CDHR5: variants seen among roughly 807,000 people sequenced by gnomAD.
CDHR5 encodes cadherin related family member 5.
Under a neutral mutation model 69.5 loss-of-function variants are expected in CDHR5, and 82 were observed. The ratio of observed to expected loss-of-function variants is 1.18; its 90% CI spans 0.99 to 1.42. The LOEUF is 1.42. Among genes scored for constraint, CDHR5 ranks in the 40% most tolerant of loss-of-function variants. The probability of loss-of-function intolerance (pLI) is 0.00; values close to 1 mark genes in which losing one functional copy is unlikely to be tolerated. For missense variants in CDHR5, 1,293 were observed against 1,168.9 expected, an observed-to-expected ratio of 1.11 and a Z score of -1.55; for synonymous variants, 601 against 510.2, an observed-to-expected ratio of 1.18 and a Z score of -2.40.
Position 616,951 on chromosome 11 carries a change from C to CT in CDHR5, c.*399_*400insA. On this transcript the variant is annotated 3_prime_UTR_variant, in exon 15 of 15. Transcript: ENST00000397542. Reference sequence around the variant, plus strand: ...TCCCCAGGCAATCTCTGTGTAGGGTCGGGAGCGGGAGGTCTGAGATGAGCC... The same window carrying CT: ...TCCCCAGGCAATCTCTGTGTAGGGTCTGGGAGCGGGAGGTCTGAGATGAGCC... The CT allele has an allele frequency of 4.6e-6, 1 of 216,536 alleles. No homozygotes were observed. The highest frequency in any genetic ancestry group is 1.0e-4 in the South Asian group (1 of 10,036). The allele number at this position is 216,536 out of a possible 1,614,324, so 13.4% of individuals were successfully genotyped here.
At position 620,332 on chromosome 11, in the gene CDHR5, C is replaced by T. The variant is rs150736962; in HGVS notation, c.844G>A (p.Gly282Ser). ...GPIYAEDGDRGINQPIIYSIF... is the reference protein window; with the variant it reads ...GPIYAEDGDRSINQPIIYSIF... ...CTGTAGATGATGGGCTGGTTGATGC[C>T]GCGGTCTCCGTCCTCAGCGTAGATG... Residue 282 changes from glycine (G) to serine (S), a missense_variant, in exon 8 of 15, where the codon GGC becomes AGC. By Grantham distance (56) the Gly-to-Ser change is moderately conservative (BLOSUM62 0). Coordinates refer to ENST00000397542, the MANE Select transcript of CDHR5 (RefSeq NM_021924.5). The T allele has an allele frequency of 1.7e-5, 27 of 1,612,642 alleles. No individual in the cohort carries two copies. In the East Asian group the frequency reaches 2.2e-4, roughly 13 times the overall value.
At position 619,056 on chromosome 11, in the gene CDHR5, G is replaced by C. The variant is rs759589469; in HGVS notation, c.1503C>G (p.Gly501=). ...GAGTTGTGCCAGAGGGTGGATGAGG[G>C]CCTGTGCCTCCCCCAGAGCTGGTCG... ...PSTTSSGGGT[G]PHPPSGTTLR... is the part of the protein sequence containing the mutation. Residue 501 remains glycine (G), a synonymous_variant, in exon 13 of 15, where the codon GGC becomes GGG. Coordinates refer to ENST00000397542, the MANE Select transcript of CDHR5 (RefSeq NM_021924.5). 4 of 1,613,094 alleles carry C rather than the reference G, an allele frequency of 2.5e-6. No homozygotes were observed. The East Asian group carries it at 8.9e-5, about 36-fold the overall frequency.
rs1338084511 is a variant in CDHR5, at chr11:619,737, C to T, written c.1123G>A (p.Asp375Asn). ...AGAGGCTGAGAAGGGGCAGCTGCAT[C>T]CTTGACCACAACGCCCGCTCCAGCG... ...RGAGAGVVVKDAAAPSQPLRI... is the reference protein window; with the variant it reads ...RGAGAGVVVKNAAAPSQPLRI... Residue 375 changes from aspartate (D) to asparagine (N), a missense_variant, in exon 10 of 15, where the codon GAT becomes AAT. Transcript: ENST00000397542. The T allele has an allele frequency of 1.2e-6, 2 of 1,612,702 alleles. No individual in the cohort carries two copies. Among genetic ancestry groups the T allele is most frequent in the Non-Finnish European group, 1.7e-6 (2 of 1,179,998 alleles).
In CDHR5 at chr11:621,231, A is replaced by G. The variant is rs1489576923; in HGVS notation, c.638T>C (p.Val213Ala). 4 of 1,597,228 alleles carry G rather than the reference A, an allele frequency of 2.5e-6. No individual in the cohort carries two copies. Among genetic ancestry groups the G allele is most frequent in the Non-Finnish European group, 3.4e-6 (4 of 1,170,242 alleles). ...LLVRDTPGEN[V>A]EPSHTATATL... ...GGCGGTGGCAGTGTGGCTGGGTTCCACATTCTCCCCCGGAGTGTCCTGCAA... is the reference window on the plus strand; with the variant it reads ...GGCGGTGGCAGTGTGGCTGGGTTCCGCATTCTCCCCCGGAGTGTCCTGCAA... Residue 213 changes from valine (V) to alanine (A), a missense_variant, in exon 7 of 15, where the codon GTG (valine) becomes GCG (alanine). Val to Ala is a moderately conservative substitution (Grantham distance 64). Transcript: ENST00000397542. This position sits in a 1 kb window ranked among gnomAD's most constrained non-coding sequence, Gnocchi z 4.4.
chr11:617,995 G>A lies in CDHR5; in HGVS notation c.2077C>T (p.His693Tyr), dbSNP rs1857080473. 1 of 1,612,280 alleles carries A rather than the reference G, an allele frequency of 6.2e-7. No homozygotes were observed. Among genetic ancestry groups the A allele is most frequent in the Non-Finnish European group, 8.5e-7 (1 of 1,179,814 alleles). ...LLGLAVLVHKHYGPRLKCCCG... is the reference protein window; with the variant it reads ...LLGLAVLVHKYYGPRLKCCCG... Reference sequence around the variant, plus strand: ...CAGCACTTGAGCCGGGGGCCATAGTGCTTGTGGACAAGGACGGCGAGGCCA... The same window carrying A: ...CAGCACTTGAGCCGGGGGCCATAGTACTTGTGGACAAGGACGGCGAGGCCA... The change falls in exon 14 of 15, where the codon CAC becomes TAC. Residue 693 changes from histidine to tyrosine, a missense_variant. His to Tyr is a moderately conservative substitution (Grantham distance 83). Coordinates refer to ENST00000397542, the MANE Select transcript of CDHR5 (RefSeq NM_021924.5).
At position 619,393 on chromosome 11, in the gene CDHR5, G is replaced by A; in HGVS notation, c.1294-3C>T. 1 of 1,612,826 alleles carries A rather than the reference G, an allele frequency of 6.2e-7. No individual in the cohort carries two copies. Among genetic ancestry groups the A allele is most frequent in the South Asian group, 1.1e-5 (1 of 91,056 alleles). On this transcript the variant is annotated splice_region_variant and splice_polypyrimidine_tract_variant and intron_variant, in intron 11 of 14. Coordinates refer to ENST00000397542, the MANE Select transcript of CDHR5 (RefSeq NM_021924.5). ...GTCACCGTGTTGTGGGCCTCAACCT[G>A]GGGCAGGAAGGGGCTTGTCCCTCCT...
intron 13 of CDHR5, 84 bp downstream of exon 13, chr11:618,515 G>A (rs1228809961): frequency 1.3e-6 from 2 of 1,508,912 alleles, no homozygotes; most frequent in South Asian, 2.4e-5. Flanking sequence ...GGCCAGGTCA[G>A]CCTGGGGTGG....
chr11:619,995 C>T, intron 9 of CDHR5, 72 bp downstream of exon 9: 8 of 1,249,124 alleles, frequency 6.4e-6, no homozygotes, highest in Non-Finnish European at 8.8e-6. Context: ...CCCGGCCCCC[C>T]AGCCCTGACC....
chr11:620,197 C>T lies in CDHR5; in HGVS notation c.881-33G>A, dbSNP rs374853281. On this transcript the variant is annotated intron_variant, in intron 8 of 14. Coordinates refer to ENST00000397542, the MANE Select transcript of CDHR5 (RefSeq NM_021924.5). Reference sequence around the variant, plus strand: ...GATGATGGAAGTGCTCAGCCCCGGCCCCCTGAGGCCCAGGGACCCAGCCAG... The same window carrying T: ...GATGATGGAAGTGCTCAGCCCCGGCTCCCTGAGGCCCAGGGACCCAGCCAG... 7 of 1,598,588 alleles carry T rather than the reference C, an allele frequency of 4.4e-6. No homozygotes were observed. In the African/African-American group the frequency reaches 5.4e-5, roughly 12 times the overall value.
In CDHR5 at chr11:620,296, C is replaced by T. The variant is rs1179388402; in HGVS notation, c.880G>A (p.Gly294Arg). Residue 294 changes from glycine to arginine, a missense_variant and splice_region_variant, in exon 8 of 15, where the codon GGA (glycine) becomes AGA (arginine). Transcript: ENST00000397542. ...NQPIIYSIFR[G>R]NVNGTFIIHP... ...TTGTTGAGGGCTGGGCCCCACTCAC[C>T]CCTAAAGATGCTGTAGATGATGGGC... 1.2e-6 allele frequency: 2 copies of T among 1,610,308 alleles called. No homozygotes were observed. Among genetic ancestry groups the T allele is most frequent in the Non-Finnish European group, 1.7e-6 (2 of 1,177,640 alleles).
At position 619,504 on chromosome 11, in the gene CDHR5, TGTG is replaced by T. The variant is rs771178939; in HGVS notation, c.1260_1262del (p.Thr421del). 3 of 1,613,568 alleles carry T rather than the reference TGTG, an allele frequency of 1.9e-6. No individual in the cohort carries two copies. The highest frequency in any genetic ancestry group is 1.7e-5 in the Admixed American group (1 of 60,004). Reference sequence around the variant, plus strand: ...CGTAGAAGGCTCCCGCCTGTGCCAGTGTGGTGGTGGTCAGCACAACCTCTCCCT... The same window carrying T: ...CGTAGAAGGCTCCCGCCTGTGCCAGTGTGGTGGTCAGCACAACCTCTCCCT... On this transcript the variant is annotated inframe_deletion, in exon 11 of 15. Coordinates refer to ENST00000397542, the MANE Select transcript of CDHR5 (RefSeq NM_021924.5).
rs112522454 is a variant in CDHR5, at chr11:617,130, G to A, written c.*221C>T. The A allele has an allele frequency of 2.1e-5, 12 of 573,910 alleles. No individual in the cohort carries two copies. The African/African-American group carries it at 2.1e-4, about 10-fold the overall frequency. 35.6% of individuals were successfully genotyped at this position (573,910 alleles called of 1,614,324 possible). On this transcript the variant is annotated 3_prime_UTR_variant, in exon 15 of 15. Transcript: ENST00000397542. ...TTACGGGAAGTGCTGCAGCCTTGGGGTGGGGACAGCGTGGCCAGACCCACC... is the reference window on the plus strand; with the variant it reads ...TTACGGGAAGTGCTGCAGCCTTGGGATGGGGACAGCGTGGCCAGACCCACC...
chr11:619,989 G>GGGC, intron 9 of CDHR5, 78 bp downstream of exon 9: 1 of 1,262,980 alleles, frequency 7.9e-7, no homozygotes, highest in Non-Finnish European at 1.1e-6. Context: ...CCCTGCCCCG[G>GGGC]CCCCCCAGCC....
chr11:624,793 CCCACCTA>C lies in CDHR5; in HGVS notation c.85+18_85+24del. 1 of 1,606,264 alleles carries C rather than the reference CCCACCTA, an allele frequency of 6.2e-7. No homozygotes were observed. The highest frequency in any genetic ancestry group is 8.5e-7 in the Non-Finnish European group (1 of 1,175,388). On this transcript the variant is annotated intron_variant, in intron 1 of 14. Transcript: ENST00000397542. This position sits in a 1 kb window ranked among gnomAD's most constrained non-coding sequence, Gnocchi z 5.3. Reference sequence around the variant, plus strand: ...GCCCCTGGCTCCCCGCCGCCCGTGCCCCACCTACCCCTGCCCGCACATACACTGGGCC... The same window carrying C: ...GCCCCTGGCTCCCCGCCGCCCGTGCCCCCCTGCCCGCACATACACTGGGCC...
chr11:624,617 G>T lies in CDHR5; in HGVS notation c.201C>A (p.Thr67=), dbSNP rs1157657098. ...GQEVTLGALS[T]PFAFRIQGNQ... ...TTCCCTGGATCCGAAATGCAAAGGG[G>T]GTGGACAAGGCTCCGAGGGTCACCT... is the stretch of plus-strand genomic sequence containing the variant. Residue 67 remains threonine, a synonymous_variant, in exon 2 of 15, where the codon ACC becomes ACA. Coordinates refer to ENST00000397542, the MANE Select transcript of CDHR5 (RefSeq NM_021924.5). This position sits in a 1 kb window ranked among gnomAD's most constrained non-coding sequence, Gnocchi z 5.3. 9 of 1,612,904 alleles carry T rather than the reference G, an allele frequency of 5.6e-6. No individual in the cohort carries two copies. The highest frequency in any genetic ancestry group is 1.1e-5 in the South Asian group (1 of 91,004).
Position 621,075 on chromosome 11 carries a change from AT to A in CDHR5, c.789+4del. 1 of 1,399,322 alleles carries A rather than the reference AT, an allele frequency of 7.1e-7. No individual in the cohort carries two copies. The allele number at this position is 1,399,322 out of a possible 1,614,324, so 86.7% of individuals were successfully genotyped here. On this transcript the variant is annotated splice_donor_region_variant and intron_variant, in intron 7 of 14. Coordinates refer to ENST00000397542, the MANE Select transcript of CDHR5 (RefSeq NM_021924.5). The surrounding 1 kb of genome is among the most constrained non-coding windows in gnomAD (Gnocchi z 4.4). ...CCCCGTGCACTGCCCCTCCCTCCCC[AT>A]TACCAGTATGTGCCCCGTGGGGACA...
chr11:618,255 G>A lies in CDHR5; in HGVS notation c.1961-144C>T, dbSNP rs917881658. The A allele has an allele frequency of 1.2e-5, 9 of 737,094 alleles. No individual in the cohort carries two copies. The Admixed American group carries it at 1.4e-4, about 12-fold the overall frequency. The allele number at this position is 737,094 out of a possible 1,614,324, so 45.7% of individuals were successfully genotyped here. A position where few individuals can be genotyped will look rare whatever the true frequency, so the allele number is the denominator to read the frequency against. ...CAAATCTCAGGCTCTGCTGACCCTG[G>A]CTCAAGGGGCCTGTGTGTCCCATCG... On this transcript the variant is annotated intron_variant, in intron 13 of 14. Transcript: ENST00000397542.
Position 621,091 on chromosome 11 carries a change from C to T in CDHR5, c.778G>A (p.Gly260Arg). The T allele has an allele frequency of 6.5e-7, 1 of 1,542,276 alleles. No homozygotes were observed. The highest frequency in any genetic ancestry group is 8.8e-7 in the Non-Finnish European group (1 of 1,142,400). The change falls in exon 7 of 15, where the codon GGG becomes AGG. Residue 260 changes from glycine (G) to arginine (R), a missense_variant. Transcript: ENST00000397542. This position sits in a 1 kb window ranked among gnomAD's most constrained non-coding sequence, Gnocchi z 4.4. ...TCCCTCCCCATTACCAGTATGTGCCCCGTGGGGACAGCCCCGTGGTACTGA... is the reference window on the plus strand; with the variant it reads ...TCCCTCCCCATTACCAGTATGTGCCTCGTGGGGACAGCCCCGTGGTACTGA... ...QAQYHGAVPTGHILPSPLVLR... is the reference protein window; with the variant it reads ...QAQYHGAVPTRHILPSPLVLR...
At position 617,194 on chromosome 11, in the gene CDHR5, C is replaced by CA. The variant is rs1243336819; in HGVS notation, c.*156dup. The stretch of plus-strand genomic sequence containing the variant: ...ACCTGGGCTCAAGCGCTAATGACGA[C>CA]AGGGGACTGAGTGAATGGGACCCCC... On this transcript the variant is annotated 3_prime_UTR_variant, in exon 15 of 15. Coordinates refer to ENST00000397542, the MANE Select transcript of CDHR5 (RefSeq NM_021924.5). 1 of 627,220 alleles carries CA rather than the reference C, an allele frequency of 1.6e-6. No homozygotes were observed. The highest frequency in any genetic ancestry group is 2.9e-6 in the Non-Finnish European group (1 of 349,910). 38.9% of individuals were successfully genotyped at this position (627,220 alleles called of 1,614,324 possible). A position where few individuals can be genotyped will look rare whatever the true frequency, so the allele number is the denominator to read the frequency against.
Sources: gnomAD v4.1 joint callset for allele counts on GRCh38, gnomAD v4.1.1 for gene constraint, Gnocchi (gnomAD v3.1) non-coding constraint, MANE v1.5 for transcripts, NCBI Gene and HGNC (gene_info 2026-07-23, HGNC 2026-07-21) for gene names.